Variants in SLC22A16 observed in about 807,000 individuals in gnomAD.
SLC22A16 encodes the protein WUGSC:RG331P03.1.
In SLC22A16, 53 loss-of-function variants were observed where a neutral mutation model predicts 52.9. The observed-to-expected ratio is 1.00, with a 90% CI of 0.80 to 1.26. The LOEUF (loss-of-function observed/expected upper bound fraction) is 1.26, where lower values mean the gene tolerates loss of function less well. SLC22A16 is among the 50% of genes most tolerant of loss of function. SLC22A16 has a pLI of 0.00. For synonymous variants in SLC22A16, 291 were observed against 268.8 expected, an observed-to-expected ratio of 1.08 and a Z score of -0.81; for missense variants, 726 against 704.0, an observed-to-expected ratio of 1.03 and a Z score of -0.35.
Position 110,424,757 on chromosome 6 carries a change from C to T in SLC22A16, c.*116G>A, listed in dbSNP as rs535646071. Reference sequence around the variant, plus strand: ...ACATATTTGCTTTAAAATTTTCTTACAAAATTTATTAAAAAGACATACAAA... The same window carrying T: ...ACATATTTGCTTTAAAATTTTCTTATAAAATTTATTAAAAAGACATACAAA... On this transcript the variant is annotated 3_prime_UTR_variant, in exon 8 of 8. Coordinates refer to ENST00000368919, the MANE Select transcript of SLC22A16 (RefSeq NM_033125.4). The T allele has an allele frequency of 3.3e-6, 4 of 1,210,214 alleles. No individual in the cohort carries two copies. Among genetic ancestry groups the T allele is most frequent in the African/African-American group, 1.6e-5 (1 of 64,410 alleles). The allele number at this position is 1,210,214 out of a possible 1,614,324, so 75.0% of individuals were successfully genotyped here. A position where few individuals can be genotyped will look rare whatever the true frequency, so the allele number is the denominator to read the frequency against.
rs1364255397 is a variant in SLC22A16 at position 110,425,083 on chromosome 6, C to A, written c.1524G>T (p.Leu508Phe). Reference protein sequence around the residue: ...LSSIWIFIPQLFVGTMALLSG... With the variant: ...LSSIWIFIPQFFVGTMALLSG... ...TCAGGAGGGCCATAGTCCCAACAAACAACTAGAAGGAATTAAAAATAATGA... is the reference window on the plus strand; with the variant it reads ...TCAGGAGGGCCATAGTCCCAACAAAAAACTAGAAGGAATTAAAAATAATGA... The change falls in exon 8 of 8, where the codon TTG becomes TTT. Residue 508 changes from leucine to phenylalanine, a missense_variant and splice_region_variant. Leu to Phe is a conservative substitution (Grantham distance 22). Transcript: ENST00000368919. The A allele has an allele frequency of 3.7e-6, 6 of 1,613,860 alleles. No individual in the cohort carries two copies. The highest frequency in any genetic ancestry group is 5.1e-6 in the Non-Finnish European group (6 of 1,179,938).
chr6:110,427,611 T>C (rs1270004044), intron 7 of SLC22A16, among the ~76,000 whole-genome samples: 1 of 152,140 alleles, frequency 6.6e-6, no homozygotes, highest in Admixed American at 6.5e-5. Flanking sequence ...GCGATTCTCC[T>C]GCCTCAGCCT....
intron 2 of SLC22A16, among the ~76,000 whole-genome samples, chr6:110,454,525 C>T (rs1775506498): frequency 7.8e-6 from 1 of 128,588 alleles, no homozygotes; most frequent in South Asian, 2.3e-4. Flanking sequence ...TTCTTTATTC[C>T]TTTACTTTCT....
At chr6:110,468,454 G>A (rs1037560352) in intron 1 of SLC22A16, among the ~76,000 whole-genome samples, 1 of 152,076 alleles carries the variant, frequency 6.6e-6, no homozygotes, top group Non-Finnish European at 1.5e-5. Flanking sequence ...AGACAAGCCT[G>A]GCCAACATGG....
intron 1 of SLC22A16, among the ~76,000 whole-genome samples, chr6:110,465,605 G>A (rs1409089227): frequency 6.6e-6 from 1 of 151,946 alleles, no homozygotes. Flanking sequence ...ACCTCTACAA[G>A]GAGAACTACA....
At chr6:110,443,447 AT>A (rs1191155302) in intron 3 of SLC22A16, among the ~76,000 whole-genome samples, 1 of 152,136 alleles carries the variant, frequency 6.6e-6, no homozygotes, top group African/African-American at 2.4e-5. Context: ...AGAAATACAA[AT>A]TTTTACCAAT....
chr6:110,430,121 A>G (rs900655873), intron 7 of SLC22A16, among the ~76,000 whole-genome samples: 12 of 151,752 alleles, frequency 7.9e-5, no homozygotes, highest in Admixed American at 7.2e-4. Context: ...AGGGTGGGGG[A>G]TGAAGCGCAA....
intron 1 of SLC22A16, among the ~76,000 whole-genome samples, chr6:110,473,620 G>T (rs1776346141): frequency 1.4e-5 from 2 of 141,246 alleles, no homozygotes. Flanking sequence ...TGCCTCCTGG[G>T]TTCACGCCAT....
intron 1 of SLC22A16, among the ~76,000 whole-genome samples, chr6:110,466,172 C>T (rs927829661): frequency 6.6e-6 from 1 of 151,976 alleles, no homozygotes; most frequent in Non-Finnish European, 1.5e-5. Context: ...TAAGACCTGA[C>T]ACTCAAAAAG....
At chr6:110,445,822 CAG>C (rs149761568) in intron 3 of SLC22A16, among the ~76,000 whole-genome samples, 2,043 of 152,334 alleles carry the variant, frequency 0.013, 37 homozygotes, top group African/African-American at 0.047. Context: ...TCTACAGTCA[CAG>C]AGTTATGTCC....
At chr6:110,453,250 AG>A (rs1273625969) in intron 2 of SLC22A16, among the ~76,000 whole-genome samples, 1 of 152,134 alleles carries the variant, frequency 6.6e-6, no homozygotes, top group Non-Finnish European at 1.5e-5. Flanking sequence ...TGATAATTCT[AG>A]TATTTGAAGT....
chr6:110,476,042 C>A (rs1371944059), intron 1 of SLC22A16: 3 of 455,828 alleles, frequency 6.6e-6, no homozygotes, highest in Admixed American at 4.7e-5. Flanking sequence ...GCAACCAACT[C>A]TGACTAACGG....
At chr6:110,431,428 G>A (rs899385065) in intron 6 of SLC22A16, among the ~76,000 whole-genome samples, 158 bp from the exon 7 acceptor site, 6 of 152,202 alleles carry the variant, frequency 3.9e-5, no homozygotes, top group African/African-American at 1.2e-4. Context: ...GGCCCCGCGA[G>A]ATTATAATAG....
intron 5 of SLC22A16, 88 bp downstream of exon 5, chr6:110,438,632 G>T: frequency 7.3e-7 from 1 of 1,378,924 alleles, no homozygotes; most frequent in South Asian, 1.6e-5. Context: ...ACTCTGAATT[G>T]ACCTTCATAC....
At chr6:110,454,393 C>G (rs1233314449) in intron 2 of SLC22A16, among the ~76,000 whole-genome samples, 2 of 150,658 alleles carry the variant, frequency 1.3e-5, no homozygotes, top group Non-Finnish European at 2.9e-5. Flanking sequence ...TAAGGTTTTT[C>G]TGGAGCTCCC....
At chr6:110,454,897 AAT>A (rs1775578235) in intron 2 of SLC22A16, among the ~76,000 whole-genome samples, 4 of 79,880 alleles carry the variant, frequency 5.0e-5, no homozygotes, top group Admixed American at 2.1e-4. Context: ...TAATATATAT[AAT>A]ATATGTTATA....
At chr6:110,431,825 A>G (rs1344231429) in intron 6 of SLC22A16, among the ~76,000 whole-genome samples, 1 of 152,240 alleles carries the variant, frequency 6.6e-6, no homozygotes, top group Non-Finnish European at 1.5e-5. Flanking sequence ...AATTCATGAC[A>G]AAAAAGAGGT....
At chr6:110,447,749 A>T (rs1283507378) in intron 2 of SLC22A16, among the ~76,000 whole-genome samples, 1 of 152,186 alleles carries the variant, frequency 6.6e-6, no homozygotes, top group Non-Finnish European at 1.5e-5. Flanking sequence ...CCATAAATGG[A>T]GTCAAACAAT....
intron 2 of SLC22A16, among the ~76,000 whole-genome samples, chr6:110,452,218 A>G (rs2114971768): frequency 1.3e-5 from 2 of 152,244 alleles, no homozygotes; most frequent in South Asian, 4.1e-4. Flanking sequence ...AACCATTTAT[A>G]TTTCATATTT....
Sources: gnomAD v4.1 joint callset for allele counts (sites outside exome capture counted in the v4.1 genomes callset) on GRCh38, gnomAD v4.1.1 for gene constraint, MANE v1.5 for transcripts, NCBI Gene and HGNC (gene_info 2026-07-23, HGNC 2026-07-21) for gene names.